Variants in PCDHA3 observed in about 807,000 individuals in gnomAD.
The protein encoded by PCDHA3 is protocadherin alpha 3, also known as protocadherin alpha-3.
In PCDHA3, 41 loss-of-function variants were observed where a neutral mutation model predicts 62.2. The observed-to-expected ratio is 0.66, with a 90% CI of 0.51 to 0.86. PCDHA3 has a LOEUF of 0.86. PCDHA3 is among the 40% of genes least tolerant of loss of function. The pLI, the probability that PCDHA3 is intolerant of heterozygous loss-of-function variation, is 0.00. For synonymous variants in PCDHA3, 640 were observed against 555.4 expected, an observed-to-expected ratio of 1.15 and a Z score of -2.14; for missense variants, 1,304 against 1,241.2, an observed-to-expected ratio of 1.05 and a Z score of -0.76.
At chr5:140,813,988 ACT>A (rs1263124316) in intron 1 of PCDHA3, 3 of 152,518 alleles carry the variant, frequency 2.0e-5, no homozygotes, top group African/African-American at 7.2e-5. Context: ...ACAGAGTGAG[ACT>A]CTGTCTCAAT....
At chr5:140,908,179 C>T (rs1158845408) in intron 1 of PCDHA3, among the ~76,000 whole-genome samples, 1 of 152,194 alleles carries the variant, frequency 6.6e-6, no homozygotes, top group Non-Finnish European at 1.5e-5. Context: ...CAGCTGTCCA[C>T]TTTCAGGTGG....
At chr5:140,995,168 A>G (rs1554254492) in intron 3 of PCDHA3, among the ~76,000 whole-genome samples, 1 of 152,186 alleles carries the variant, frequency 6.6e-6, no homozygotes. Context: ...ATGTTCTTTC[A>G]TAGGTGCACC....
At chr5:140,822,822 G>A (rs2150119686) in intron 1 of PCDHA3, 2 of 1,614,028 alleles carry the variant, frequency 1.2e-6, no homozygotes, top group African/African-American at 1.3e-5. Context: ...CCCCAGAGAT[G>A]GCCATAACCA....
At chr5:140,870,999 A>G (rs782562142) in intron 1 of PCDHA3, 2 of 1,613,456 alleles carry the variant, frequency 1.2e-6, no homozygotes, top group Admixed American at 3.3e-5. Flanking sequence ...AGATAAGCAC[A>G]ACGCGTGCCC....
intron 1 of PCDHA3, among the ~76,000 whole-genome samples, chr5:140,960,168 T>C (rs569250147): frequency 9.2e-5 from 14 of 152,300 alleles, no homozygotes; most frequent in African/African-American, 3.1e-4. Flanking sequence ...AATACAATTC[T>C]TAAGTTAGGG....
At chr5:140,886,288 A>G (rs1227734409) in intron 1 of PCDHA3, among the ~76,000 whole-genome samples, 4 of 151,870 alleles carry the variant, frequency 2.6e-5, no homozygotes, top group Middle Eastern at 3.2e-3. Flanking sequence ...AATTATTTTT[A>G]TATTTATTTA....
chr5:140,903,587 G>A (rs62384486), intron 1 of PCDHA3, among the ~76,000 whole-genome samples: 1 of 152,156 alleles, frequency 6.6e-6, no homozygotes, highest in African/African-American at 2.4e-5. Context: ...GCTGGTGTTG[G>A]CCTGATAAAT....
At chr5:140,841,533 A>T (rs2150317593) in intron 1 of PCDHA3, 20 of 1,613,658 alleles carry the variant, frequency 1.2e-5, no homozygotes, top group Non-Finnish European at 1.7e-5. Context: ...TCCAAAAGAC[A>T]CCGGGACCTT....
At chr5:140,877,663 C>G in intron 1 of PCDHA3, 4 of 1,613,552 alleles carry the variant, frequency 2.5e-6, no homozygotes, top group Non-Finnish European at 3.4e-6. Context: ...CACCGTGAGC[C>G]GGTGCGCGCC....
intron 1 of PCDHA3, chr5:140,857,587 C>T: frequency 1.3e-6 from 2 of 1,596,526 alleles, no homozygotes; most frequent in South Asian, 2.2e-5. Context: ...ACGCGGAGAG[C>T]GGCAAGGTGT....
intron 1 of PCDHA3, chr5:140,867,873 G>A (rs1554161583): frequency 6.6e-6 from 1 of 152,056 alleles, no homozygotes; most frequent in East Asian, 1.9e-4. Flanking sequence ...AATTTTCTAT[G>A]TTTTAAGCAC....
chr5:140,862,390 A>T (rs1325136355), intron 1 of PCDHA3: 3 of 349,930 alleles, frequency 8.6e-6, no homozygotes, highest in African/African-American at 6.4e-5. Context: ...ACGTCTCTTC[A>T]AGCTGGTGTC....
chr5:140,836,639 G>T, intron 1 of PCDHA3: 1 of 1,613,412 alleles, frequency 6.2e-7, no homozygotes, highest in Middle Eastern at 1.6e-4. Context: ...CATTCTCCCA[G>T]CAGAGGCGGC....
chr5:140,823,810 T>A (rs1767880072), intron 1 of PCDHA3: 1 of 1,613,758 alleles, frequency 6.2e-7, no homozygotes, highest in Non-Finnish European at 8.5e-7. Context: ...GAAGGCCTCA[T>A]CGCGGGCGTC....
At chr5:140,901,927 A>C (rs2068986448) in intron 1 of PCDHA3, among the ~76,000 whole-genome samples, 1 of 151,764 alleles carries the variant, frequency 6.6e-6, no homozygotes. Context: ...TCTTTGGTTA[A>C]TTCCTAGGTA....
chr5:140,877,323 C>T (rs782217893), intron 1 of PCDHA3: 2 of 1,613,988 alleles, frequency 1.2e-6, no homozygotes, highest in East Asian at 2.2e-5. Context: ...CGGCGGTCGG[C>T]GCGCACATCC....
At chr5:140,969,982 G>T (rs1327490843) in intron 1 of PCDHA3, among the ~76,000 whole-genome samples, 1 of 152,184 alleles carries the variant, frequency 6.6e-6, no homozygotes, top group Non-Finnish European at 1.5e-5. Flanking sequence ...CAACTCTTCT[G>T]TAGAGGGCTG....
chr5:140,989,653 T>A (rs1308581336), intron 3 of PCDHA3, among the ~76,000 whole-genome samples: 2 of 152,194 alleles, frequency 1.3e-5, no homozygotes, highest in African/African-American at 4.8e-5. Context: ...ATGGCAATAT[T>A]TTAAAAGAAA....
intron 3 of PCDHA3, among the ~76,000 whole-genome samples, chr5:140,982,966 G>A (rs1407279371): frequency 6.6e-6 from 1 of 151,986 alleles, no homozygotes; most frequent in African/African-American, 2.4e-5. Flanking sequence ...CCCACCCAAA[G>A]TAGTAAGGAA....
Sources: allele counts gnomAD v4.1 joint callset (sites outside exome capture counted in the v4.1 genomes callset), GRCh38; gene constraint gnomAD v4.1.1; transcripts MANE v1.5; gene names NCBI Gene and HGNC (gene_info 2026-07-23, HGNC 2026-07-21).